Variants in CYRIA observed in about 807,000 individuals in gnomAD.
The protein encoded by CYRIA is CYFIP-related Rac1 interactor A.
Under a neutral mutation model 43.9 loss-of-function variants are expected in CYRIA, and 15 were observed. The ratio of observed to expected loss-of-function variants is 0.34; its 90% CI spans 0.23 to 0.53. The LOEUF is 0.53. Ranked by LOEUF, CYRIA falls within the 20% of genes least tolerant of loss-of-function variation. The pLI is 0.94. For synonymous variants in CYRIA, 117 were observed against 136.0 expected (o/e 0.86, Z 0.97); for missense variants, 236 against 394.2 (o/e 0.60, Z 3.40).
intron 1 of CYRIA, among the ~76,000 whole-genome samples, chr2:16,654,716 T>G (rs1395972183): frequency 2.6e-5 from 4 of 152,150 alleles, no homozygotes; most frequent in Non-Finnish European, 5.9e-5. Context: ...AAGGTGTCTG[T>G]GGGATGAAAA....
At chr2:16,620,916 C>G (rs908973143) in intron 2 of CYRIA, among the ~76,000 whole-genome samples, 1 of 152,194 alleles carries the variant, frequency 6.6e-6, no homozygotes, top group African/African-American at 2.4e-5. Flanking sequence ...TACATCTCAT[C>G]TCCAGGACTG....
At chr2:16,641,431 C>A (rs750440501) in intron 1 of CYRIA, among the ~76,000 whole-genome samples, 4 of 152,122 alleles carry the variant, frequency 2.6e-5, no homozygotes, top group Non-Finnish European at 4.4e-5. Context: ...TTGTTTAATT[C>A]TAAATCCTAT....
intron 9 of CYRIA, among the ~76,000 whole-genome samples, chr2:16,560,464 A>C (rs1666684980): frequency 6.6e-6 from 1 of 152,186 alleles, no homozygotes; most frequent in Non-Finnish European, 1.5e-5. Context: ...ACAGCCATAA[A>C]TGGAACTCAG....
intron 1 of CYRIA, among the ~76,000 whole-genome samples, chr2:16,659,386 A>C (rs1670190753): frequency 6.6e-6 from 1 of 152,212 alleles, no homozygotes; most frequent in African/African-American, 2.4e-5. Context: ...CCATCCATAA[A>C]ATGGGGATAA....
At chr2:16,579,378 T>C (rs1302158705) in intron 3 of CYRIA, among the ~76,000 whole-genome samples, 4 of 151,562 alleles carry the variant, frequency 2.6e-5, no homozygotes, top group East Asian at 1.9e-4. Context: ...TAAATACATA[T>C]GCAAGTAAAT....
chr2:16,559,649 C>A, intron 9 of CYRIA, 63 bp from the exon 10 acceptor site: 1 of 1,574,756 alleles, frequency 6.4e-7, no homozygotes, highest in Non-Finnish European at 8.6e-7. Context: ...TCTTTGGCCC[C>A]ACAACTGGAT....
At chr2:16,590,393 T>C (rs1487758594) in intron 2 of CYRIA, among the ~76,000 whole-genome samples, 1 of 152,144 alleles carries the variant, frequency 6.6e-6, no homozygotes, top group Non-Finnish European at 1.5e-5. Context: ...ATTTTACTGT[T>C]TGTAGGAGTA....
rs1327027367 is a variant in CYRIA at position 16,553,009 on chromosome 2, G to C, written c.909-10C>G. On this transcript the variant is annotated splice_polypyrimidine_tract_variant and intron_variant, in intron 11 of 11. Transcript: ENST00000381323. ...GTGCTTTGTAGTGAACCTGGATGGAGAGAGAATGGTAGAGGTTAGCGGCAA... is the reference window on the plus strand; with the variant it reads ...GTGCTTTGTAGTGAACCTGGATGGACAGAGAATGGTAGAGGTTAGCGGCAA... 2 of 1,585,114 alleles carry C rather than the reference G, an allele frequency of 1.3e-6. No homozygotes were observed. Among genetic ancestry groups the C allele is most frequent in the East Asian group, 4.5e-5 (2 of 44,754 alleles).
At chr2:16,658,416 A>AT (rs1670170575) in intron 1 of CYRIA, among the ~76,000 whole-genome samples, 2 of 152,242 alleles carry the variant, frequency 1.3e-5, no homozygotes, top group African/African-American at 4.8e-5. Flanking sequence ...TTTAATTCAC[A>AT]TATTCCTCAC....
intron 2 of CYRIA, among the ~76,000 whole-genome samples, chr2:16,611,963 C>T (rs565180202): frequency 2.6e-4 from 40 of 152,272 alleles, no homozygotes; most frequent in African/African-American, 8.9e-4. Context: ...TGCCAGGCCA[C>T]GATGCCTGTC....
At chr2:16,645,260 C>T (rs6718466) in intron 1 of CYRIA, among the ~76,000 whole-genome samples, 13,188 of 152,226 alleles carry the variant, frequency 0.087, 1,363 homozygotes, top group African/African-American at 0.24. Flanking sequence ...ATTTATTCCA[C>T]AAACATTTGC....
intron 1 of CYRIA, among the ~76,000 whole-genome samples, chr2:16,646,203 G>C (rs1465685641): frequency 6.6e-6 from 1 of 152,204 alleles, no homozygotes; most frequent in Non-Finnish European, 1.5e-5. Flanking sequence ...TGTGGTCTAA[G>C]GAGACAGTTG....
chr2:16,600,550 GTTAAA>G (rs1391756161), intron 2 of CYRIA, among the ~76,000 whole-genome samples: 1 of 152,148 alleles, frequency 6.6e-6, no homozygotes, highest in East Asian at 1.9e-4. Flanking sequence ...AACAGCACTA[GTTAAA>G]TTAAACAATT....
chr2:16,575,797 A>C (rs1302365209), intron 3 of CYRIA, among the ~76,000 whole-genome samples: 1 of 152,064 alleles, frequency 6.6e-6, no homozygotes, highest in African/African-American at 2.4e-5. Context: ...CGGAGCTTGC[A>C]GTGAGCCGAG....
chr2:16,573,292 A>G (rs1315754019), intron 3 of CYRIA, among the ~76,000 whole-genome samples: 1 of 152,196 alleles, frequency 6.6e-6, no homozygotes, highest in Non-Finnish European at 1.5e-5. Flanking sequence ...GCAGAAGAAA[A>G]CTACCAAGGC....
chr2:16,562,231 G>T, intron 5 of CYRIA, 90 bp from the exon 6 acceptor site: 1 of 1,371,662 alleles, frequency 7.3e-7, no homozygotes, highest in South Asian at 1.4e-5. Context: ...TGACAATCTC[G>T]GAGATCACCT....
At chr2:16,565,510 A>T in intron 4 of CYRIA, 136 bp downstream of exon 4, 2 of 1,119,982 alleles carry the variant, frequency 1.8e-6, no homozygotes, top group South Asian at 2.5e-5. Flanking sequence ...TTAAGGACAC[A>T]TTACCCTCCT....
At chr2:16,653,903 C>A (rs754120450) in intron 1 of CYRIA, among the ~76,000 whole-genome samples, 1 of 152,174 alleles carries the variant, frequency 6.6e-6, no homozygotes, top group African/African-American at 2.4e-5. Flanking sequence ...ATAGTATTTG[C>A]AAGTCTATGA....
At chr2:16,564,661 C>A (rs570856689) in intron 4 of CYRIA, among the ~76,000 whole-genome samples, 608 of 151,900 alleles carry the variant, frequency 4.0e-3, no homozygotes, top group Non-Finnish European at 6.2e-3. Context: ...GTACTGTGTG[C>A]ATGTGTGCGT....
Sources: gnomAD v4.1 joint callset for allele counts (sites outside exome capture counted in the v4.1 genomes callset) on GRCh38, gnomAD v4.1.1 for gene constraint, MANE v1.5 for transcripts, NCBI Gene and HGNC (gene_info 2026-07-23, HGNC 2026-07-21) for gene names.